Variants in MTA3 observed in about 807,000 individuals in gnomAD.
The protein encoded by MTA3 is metastasis associated 1 family member 3.
In MTA3, 34 loss-of-function variants were observed where a neutral mutation model predicts 83.5. The ratio of observed to expected loss-of-function variants is 0.41; its 90% CI spans 0.31 to 0.54. The LOEUF (loss-of-function observed/expected upper bound fraction) is 0.54. Among genes scored for constraint, MTA3 ranks in the 20% least tolerant of loss-of-function variants. The pLI, the probability that MTA3 is intolerant of heterozygous loss-of-function variation, is 0.33. For missense variants in MTA3, 761 were observed against 726.4 expected, an observed-to-expected ratio of 1.05 and a Z score of -0.55; for synonymous variants, 303 against 252.7, an observed-to-expected ratio of 1.20 and a Z score of -1.89.
chr2:42,709,209 G>T, intron 14 of MTA3, 113 bp downstream of exon 14: 4 of 1,452,450 alleles, frequency 2.8e-6, no homozygotes, highest in Non-Finnish European at 3.6e-6. Context: ...AAGTTCTTGT[G>T]TACAGCCTTT....
At chr2:42,538,421 T>C (rs913557312) in intron 2 of MTA3, among the ~76,000 whole-genome samples, 1 of 151,294 alleles carries the variant, frequency 6.6e-6, no homozygotes, top group African/African-American at 2.4e-5. Flanking sequence ...ATATGATAAA[T>C]GTTAGGCCGG....
intron 8 of MTA3, among the ~76,000 whole-genome samples, chr2:42,675,884 G>A (rs1691309879): frequency 6.6e-6 from 1 of 152,162 alleles, no homozygotes. Context: ...ACTTCTGTGT[G>A]TATCAGAAAG....
Position 42,711,781 on chromosome 2 carries a change from A to AGTGT in MTA3, c.1525+2686_1525+2687insTGTG, listed in dbSNP as rs1328473255. Among the ~76,000 whole-genome samples, 555 of 148,532 alleles carry AGTGT rather than the reference A, an allele frequency of 3.7e-3. 5 individuals are homozygous for AGTGT. Among genetic ancestry groups the AGTGT allele is most frequent in the African/African-American group, 0.013 (507 of 39,618 alleles). ...TACTGGGAGTGTATAGGAGAGAGAG[A>AGTGT]GAGTGTGTGTGTGTGTGTGTGTGTG... On this transcript the variant is annotated intron_variant, in intron 14 of 16. Coordinates refer to ENST00000405094, the MANE Select transcript of MTA3 (RefSeq NM_001330442.2).
chr2:42,696,934 T>C (rs1693436869), intron 10 of MTA3, among the ~76,000 whole-genome samples: 2 of 152,148 alleles, frequency 1.3e-5, no homozygotes, highest in Admixed American at 1.3e-4. Context: ...AAAAAGAGTC[T>C]CTAAAGATGG....
At chr2:42,604,226 A>G (rs1247773646) in intron 3 of MTA3, among the ~76,000 whole-genome samples, 1 of 152,028 alleles carries the variant, frequency 6.6e-6, no homozygotes, top group African/African-American at 2.4e-5. Context: ...TACTTTTAGT[A>G]GAGATGGGGT....
intron 11 of MTA3, chr2:42,702,698 T>TA (rs1665696010): frequency 6.6e-6 from 1 of 152,212 alleles, no homozygotes; most frequent in Non-Finnish European, 1.5e-5. Flanking sequence ...GGTCAGAGAC[T>TA]TATTTATTAG....
chr2:42,661,921 C>T (rs1246515378), intron 8 of MTA3, among the ~76,000 whole-genome samples: 1 of 152,058 alleles, frequency 6.6e-6, no homozygotes, highest in Non-Finnish European at 1.5e-5. Context: ...TCCTACTTCC[C>T]TTTACCTCTG....
At chr2:42,514,457 C>T (rs904720397) in intron 2 of MTA3, among the ~76,000 whole-genome samples, 16 of 152,056 alleles carry the variant, frequency 1.1e-4, no homozygotes, top group Non-Finnish European at 2.2e-4. Flanking sequence ...TCTTGAGGCT[C>T]ACTACAACCT....
intron 3 of MTA3, among the ~76,000 whole-genome samples, chr2:42,587,409 G>C (rs1181756960): frequency 6.6e-6 from 1 of 152,004 alleles, no homozygotes; most frequent in Non-Finnish European, 1.5e-5. Flanking sequence ...CCAAAACCCA[G>C]TTCTCCCCGA....
chr2:42,662,040 T>C (rs1346377741), intron 8 of MTA3, among the ~76,000 whole-genome samples: 1 of 152,174 alleles, frequency 6.6e-6, no homozygotes, highest in African/African-American at 2.4e-5. Flanking sequence ...CTTTTGCATA[T>C]GCTTAAATTT....
intron 10 of MTA3, among the ~76,000 whole-genome samples, chr2:42,696,370 C>G (rs1227162116): frequency 1.3e-5 from 2 of 152,172 alleles, no homozygotes; most frequent in East Asian, 1.9e-4. Context: ...TTGAGTCCTT[C>G]TCAAATATCC....
chr2:42,536,092 C>G (rs1179136323), intron 2 of MTA3, among the ~76,000 whole-genome samples: 3 of 151,714 alleles, frequency 2.0e-5, no homozygotes, highest in Non-Finnish European at 4.4e-5. Flanking sequence ...TGCCCTCCAG[C>G]CTGGGCAACA....
At chr2:42,717,666 C>T (rs765558738) in intron 14 of MTA3, among the ~76,000 whole-genome samples, 1 of 152,146 alleles carries the variant, frequency 6.6e-6, no homozygotes, top group African/African-American at 2.4e-5. Flanking sequence ...ACACAGGTAG[C>T]CTTTTAAATC....
intron 2 of MTA3, among the ~76,000 whole-genome samples, chr2:42,499,966 A>T (rs572341921): frequency 6.6e-6 from 1 of 151,240 alleles, no homozygotes; most frequent in South Asian, 2.1e-4. Context: ...TTTTTGAAAA[A>T]AAAAAAAGAG....
At chr2:42,701,590 C>G (rs1665564367) in intron 11 of MTA3, among the ~76,000 whole-genome samples, 2 of 151,834 alleles carry the variant, frequency 1.3e-5, no homozygotes, top group Non-Finnish European at 2.9e-5. Flanking sequence ...GAGTGAGACC[C>G]TCTCTCAAAA....
chr2:42,731,774 C>G lies in MTA3; in HGVS notation c.1759+8739C>G, dbSNP rs1045434320. 2.0e-5 allele frequency among the ~76,000 whole-genome samples: 3 copies of G among 152,254 alleles called. No individual in the cohort carries two copies. The South Asian group carries it at 6.2e-4, about 32-fold the overall frequency. On this transcript the variant is annotated intron_variant, in intron 16 of 16. Transcript: ENST00000405094. Reference sequence around the variant, plus strand: ...AGTCTTAACTCATTTTAGCATTAACCCAAAAGTCCACAGTCCAGTCTCATT... The same window carrying G: ...AGTCTTAACTCATTTTAGCATTAACGCAAAAGTCCACAGTCCAGTCTCATT...
chr2:42,625,241 A>AGGCT (rs1386682212), intron 4 of MTA3, among the ~76,000 whole-genome samples: 2 of 151,718 alleles, frequency 1.3e-5, no homozygotes, highest in Admixed American at 1.3e-4. Flanking sequence ...CATGTTGGCC[A>AGGCT]GGCTGGTCTT....
intron 2 of MTA3, among the ~76,000 whole-genome samples, chr2:42,529,418 T>G (rs908775007): frequency 2.0e-5 from 3 of 152,226 alleles, no homozygotes; most frequent in Admixed American, 2.0e-4. Flanking sequence ...GGTCCTCACC[T>G]GTCCTTAGGT....
chr2:42,660,205 C>G (rs748731499), intron 8 of MTA3, among the ~76,000 whole-genome samples: 1 of 152,134 alleles, frequency 6.6e-6, no homozygotes, highest in Admixed American at 6.5e-5. Flanking sequence ...TCTCGTGCCT[C>G]AGCCTCCTGA....
Sources: allele counts gnomAD v4.1 joint callset (sites outside exome capture counted in the v4.1 genomes callset), GRCh38; gene constraint gnomAD v4.1.1; transcripts MANE v1.5; gene names NCBI Gene and HGNC (gene_info 2026-07-23, HGNC 2026-07-21).